MSRA: variants seen among roughly 807,000 people sequenced by gnomAD.
The protein encoded by MSRA is mitochondrial peptide methionine sulfoxide reductase.
In MSRA, 54 loss-of-function variants were observed where a neutral mutation model predicts 31.3. The observed-to-expected ratio is 1.73, with a 90% CI of 1.39 to 2.17. MSRA has a LOEUF of 2.17. Ranked by LOEUF, MSRA falls within the 30% of genes most tolerant of loss-of-function variation. The pLI is 0.00. For synonymous variants in MSRA, 169 were observed against 116.5 expected, an observed-to-expected ratio of 1.45 and a Z score of -2.90; for missense variants, 507 against 300.9, an observed-to-expected ratio of 1.69 and a Z score of -5.07.
At chr8:10,155,875 T>A (rs1804113546) in intron 1 of MSRA, among the ~76,000 whole-genome samples, 1 of 152,166 alleles carries the variant, frequency 6.6e-6, no homozygotes, top group African/African-American at 2.4e-5. Flanking sequence ...TAGAAACTCC[T>A]CATGTTATAA....
intron 4 of MSRA, among the ~76,000 whole-genome samples, chr8:10,304,124 C>G (rs4240643): frequency 6.6e-6 from 1 of 152,120 alleles, no homozygotes; most frequent in South Asian, 2.1e-4. Flanking sequence ...TATAATAGAG[C>G]TGGGGTTTCA....
intron 1 of MSRA, among the ~76,000 whole-genome samples, chr8:10,196,733 AT>A (rs1331809209): frequency 3.1e-4 from 45 of 146,810 alleles, no homozygotes; most frequent in Middle Eastern, 6.9e-3. Context: ...TTTATTTTTA[AT>A]TTTTTTTTTT....
intron 5 of MSRA, among the ~76,000 whole-genome samples, chr8:10,380,732 A>G (rs969033079): frequency 2.0e-5 from 3 of 152,184 alleles, no homozygotes; most frequent in Non-Finnish European, 2.9e-5. Context: ...GGAGAGATGG[A>G]TGGAAGGAGG....
At chr8:10,174,594 C>G (rs1345019312) in intron 1 of MSRA, among the ~76,000 whole-genome samples, 3 of 152,112 alleles carry the variant, frequency 2.0e-5, no homozygotes, top group Admixed American at 1.3e-4. Flanking sequence ...CAGCTTCCTC[C>G]CCTGAGCTCA....
chr8:10,373,781 C>T (rs1033957039), intron 5 of MSRA, among the ~76,000 whole-genome samples: 1 of 152,230 alleles, frequency 6.6e-6, no homozygotes, highest in African/African-American at 2.4e-5. Flanking sequence ...GATGACCGCA[C>T]TTTGGAGCCC....
At chr8:10,376,448 T>A (rs1585622907) in intron 5 of MSRA, among the ~76,000 whole-genome samples, 1 of 152,232 alleles carries the variant, frequency 6.6e-6, no homozygotes, top group Non-Finnish European at 1.5e-5. Flanking sequence ...TGTGATATTA[T>A]CTGGGCTTGG....
At chr8:10,376,952 G>A (rs535619375) in intron 5 of MSRA, among the ~76,000 whole-genome samples, 10 of 152,310 alleles carry the variant, frequency 6.6e-5, no homozygotes, top group African/African-American at 2.4e-4. Context: ...GTGTAAGCGG[G>A]GAAGGGATCA....
intron 3 of MSRA, among the ~76,000 whole-genome samples, chr8:10,279,221 G>C (rs1018443190): frequency 6.6e-6 from 1 of 152,148 alleles, no homozygotes. Context: ...TGATTAAAGC[G>C]TGCATTGCGT....
At chr8:10,054,805 C>G (rs896354645) in intron 1 of MSRA, 147 bp downstream of exon 1, 1 of 871,068 alleles carries the variant, frequency 1.1e-6, no homozygotes, top group Non-Finnish European at 1.5e-6. Flanking sequence ...CGCGAAGGGG[C>G]GCCGGCAGTG....
intron 5 of MSRA, among the ~76,000 whole-genome samples, chr8:10,397,038 A>G (rs1256552775): frequency 1.3e-5 from 2 of 152,192 alleles, no homozygotes; most frequent in East Asian, 1.9e-4. Flanking sequence ...CCATCTCTAG[A>G]CAGCTTAGAG....
intron 2 of MSRA, 150 bp from the exon 3 acceptor site, chr8:10,244,954 C>T: frequency 3.5e-6 from 2 of 564,982 alleles, no homozygotes; most frequent in South Asian, 3.5e-5. Flanking sequence ...AACTCTCCTT[C>T]TTTAAAAGAT....
At chr8:10,258,337 T>C (rs934435056) in intron 3 of MSRA, among the ~76,000 whole-genome samples, 3 of 152,100 alleles carry the variant, frequency 2.0e-5, no homozygotes, top group African/African-American at 7.2e-5. Flanking sequence ...CCTTCCAAAG[T>C]GAGAAAGACA....
At chr8:10,113,669 C>G (rs1308711243) in intron 1 of MSRA, among the ~76,000 whole-genome samples, 1 of 151,562 alleles carries the variant, frequency 6.6e-6, no homozygotes, top group Non-Finnish European at 1.5e-5. Context: ...GGTTGGGTAC[C>G]CAGTTAAAGG....
At chr8:10,344,662 A>G (rs566173322) in intron 5 of MSRA, among the ~76,000 whole-genome samples, 1 of 151,580 alleles carries the variant, frequency 6.6e-6, no homozygotes, top group South Asian at 2.1e-4. Context: ...AAGGATCATT[A>G]AGGATCTGAA....
At chr8:10,103,909 G>A (rs1042551426) in intron 1 of MSRA, among the ~76,000 whole-genome samples, 14 of 151,844 alleles carry the variant, frequency 9.2e-5, no homozygotes, top group Non-Finnish European at 1.3e-4. Context: ...AATTGGTGTA[G>A]AACACTTTCA....
At chr8:10,083,702 G>C (rs761997280) in intron 1 of MSRA, among the ~76,000 whole-genome samples, 1 of 151,716 alleles carries the variant, frequency 6.6e-6, no homozygotes, top group Non-Finnish European at 1.5e-5. Flanking sequence ...TCCTTATTCT[G>C]ACAGTTTTAT....
intron 1 of MSRA, among the ~76,000 whole-genome samples, chr8:10,132,809 A>C (rs1801991863): frequency 6.6e-6 from 1 of 152,232 alleles, no homozygotes; most frequent in Non-Finnish European, 1.5e-5. Context: ...GGAGTCATAA[A>C]ATAGATGTTT....
intron 4 of MSRA, among the ~76,000 whole-genome samples, chr8:10,308,231 C>T (rs1381695946): frequency 2.0e-5 from 3 of 152,234 alleles, no homozygotes; most frequent in Non-Finnish European, 4.4e-5. Flanking sequence ...TCTTGACTAA[C>T]ACAGCCTTCA....
chr8:10,218,092 C>T (rs943897940), intron 2 of MSRA, among the ~76,000 whole-genome samples: 26 of 151,480 alleles, frequency 1.7e-4, no homozygotes, highest in African/African-American at 6.3e-4. Flanking sequence ...ATTCAGGAGG[C>T]ATTTAACACC....
Sources: gnomAD v4.1 joint callset for allele counts (sites outside exome capture counted in the v4.1 genomes callset) on GRCh38, gnomAD v4.1.1 for gene constraint, MANE v1.5 for transcripts, NCBI Gene and HGNC (gene_info 2026-07-23, HGNC 2026-07-21) for gene names.